Variants in ROBO2 observed in about 807,000 individuals in gnomAD.
The protein encoded by ROBO2 is roundabout guidance receptor 2.
Under a neutral mutation model 160.8 loss-of-function variants are expected in ROBO2, and 53 were observed. The ratio of observed to expected loss-of-function variants is 0.33; its 90% CI spans 0.26 to 0.41. The LOEUF is 0.41. Ranked by LOEUF, ROBO2 falls within the 10% of genes least tolerant of loss-of-function variation. The pLI is 1.00. For missense variants in ROBO2, 1,577 were observed against 1,722.4 expected, an observed-to-expected ratio of 0.92 and a Z score of 1.49; for synonymous variants, 664 against 611.7, an observed-to-expected ratio of 1.09 and a Z score of -1.26.
At chr3:76,196,333 A>G (rs1212635505) in intron 2 of ROBO2, among the ~76,000 whole-genome samples, 1 of 152,148 alleles carries the variant, frequency 6.6e-6, no homozygotes, top group Non-Finnish European at 1.5e-5. Context: ...ATCCATGACA[A>G]TAAAAGAATA....
At chr3:76,465,375 A>G (rs983066164) in intron 2 of ROBO2, among the ~76,000 whole-genome samples, 8 of 152,100 alleles carry the variant, frequency 5.3e-5, no homozygotes, top group African/African-American at 1.9e-4. Flanking sequence ...AATAGTGGGT[A>G]ATAAAAATAG....
intron 2 of ROBO2, among the ~76,000 whole-genome samples, chr3:76,920,329 G>A (rs2076578142): frequency 6.6e-6 from 1 of 152,022 alleles, no homozygotes; most frequent in Admixed American, 6.6e-5. Context: ...AGACAGTCTG[G>A]GAAACAATAA....
chr3:76,028,950 G>C (rs1183170170), intron 2 of ROBO2, among the ~76,000 whole-genome samples: 1 of 152,046 alleles, frequency 6.6e-6, no homozygotes, highest in Non-Finnish European at 1.5e-5. Flanking sequence ...GCTAGTTCCT[G>C]GCAGTGATGC....
chr3:77,549,859 T>G (rs1559593033), intron 7 of ROBO2, among the ~76,000 whole-genome samples: 1 of 152,014 alleles, frequency 6.6e-6, no homozygotes, highest in African/African-American at 2.4e-5. Context: ...ACCTGGAAAA[T>G]TAATTACTAT....
chr3:76,236,532 G>A (rs768495210), intron 2 of ROBO2, among the ~76,000 whole-genome samples: 2 of 152,128 alleles, frequency 1.3e-5, no homozygotes, highest in Non-Finnish European at 2.9e-5. Context: ...GACAAAGTTT[G>A]AATCGTGGTT....
At chr3:76,370,260 CTATT>C (rs1026104171) in intron 2 of ROBO2, among the ~76,000 whole-genome samples, 2 of 151,712 alleles carry the variant, frequency 1.3e-5, no homozygotes, top group Non-Finnish European at 2.9e-5. Flanking sequence ...TTTAGAAATT[CTATT>C]TATTTTCTCT....
chr3:76,268,927 T>C (rs1404949929), intron 2 of ROBO2, among the ~76,000 whole-genome samples: 1 of 152,138 alleles, frequency 6.6e-6, no homozygotes, highest in Non-Finnish European at 1.5e-5. Context: ...CCACACACTA[T>C]TTTGTTAACC....
chr3:77,007,052 A>C (rs978293424), intron 2 of ROBO2, among the ~76,000 whole-genome samples: 1 of 152,146 alleles, frequency 6.6e-6, no homozygotes, highest in Admixed American at 6.5e-5. Flanking sequence ...GGAGCCACAC[A>C]TTCTTTAACC....
chr3:76,951,418 T>C (rs1043689064), intron 2 of ROBO2, among the ~76,000 whole-genome samples: 6 of 152,196 alleles, frequency 3.9e-5, no homozygotes, highest in Non-Finnish European at 8.8e-5. Context: ...AACACTATCT[T>C]GATAATGTAT....
intron 2 of ROBO2, among the ~76,000 whole-genome samples, chr3:75,938,831 TTTTAA>T (rs1227927765): frequency 6.6e-6 from 1 of 152,210 alleles, no homozygotes; most frequent in Admixed American, 6.5e-5. Flanking sequence ...TCAGCTTTGA[TTTTAA>T]TTTTTCTTTC....
chr3:77,560,359 T>C (rs1484191232), intron 9 of ROBO2, among the ~76,000 whole-genome samples: 2 of 152,082 alleles, frequency 1.3e-5, no homozygotes, highest in African/African-American at 4.8e-5. Flanking sequence ...GAAAAAGACA[T>C]TATTTAAAAT....
chr3:76,869,591 C>T (rs2071798809), intron 2 of ROBO2, among the ~76,000 whole-genome samples: 1 of 151,822 alleles, frequency 6.6e-6, no homozygotes, highest in Non-Finnish European at 1.5e-5. Context: ...CCTCGTGATC[C>T]GCCCGCCTCG....
intron 2 of ROBO2, among the ~76,000 whole-genome samples, chr3:76,142,781 A>G (rs946741844): frequency 1.3e-5 from 2 of 151,942 alleles, no homozygotes; most frequent in Non-Finnish European, 2.9e-5. Flanking sequence ...ATTCAGTTGT[A>G]CATTTTTAAA....
intron 2 of ROBO2, among the ~76,000 whole-genome samples, chr3:77,239,807 C>T (rs891145389): frequency 6.6e-6 from 1 of 152,160 alleles, no homozygotes; most frequent in African/African-American, 2.4e-5. Context: ...TGTTTACAAA[C>T]CTTGAGCTAG....
chr3:76,975,258 A>C (rs1224638620), intron 2 of ROBO2, among the ~76,000 whole-genome samples: 1 of 152,172 alleles, frequency 6.6e-6, no homozygotes, highest in Non-Finnish European at 1.5e-5. Flanking sequence ...TAATCCCAGC[A>C]CTTTGGGAGG....
rs75729384 is a variant in ROBO2 at position 76,061,256 on chromosome 3, T to C, written c.109+123654T>C. On this transcript the variant is annotated intron_variant, in intron 2 of 26. Coordinates refer to the ROBO2 transcript ENST00000487694. The stretch of plus-strand genomic sequence containing the variant: ...GCTGAATAAATTCGGGTAAAGTGCA[T>C]GCTTCCTTTGAACACCTGCATCCTG... 7.0e-3 allele frequency among the ~76,000 whole-genome samples: 1,063 copies of C among 152,326 alleles called. 63 individuals carry two copies. The East Asian group carries it at 0.15, about 22-fold the overall frequency.
At chr3:75,917,040 CT>C (rs1199756557) in intron 1 of ROBO2, among the ~76,000 whole-genome samples, 1 of 151,904 alleles carries the variant, frequency 6.6e-6, no homozygotes, top group Non-Finnish European at 1.5e-5. Context: ...TAAAATTTTA[CT>C]GTAAGTTCTG....
chr3:76,404,171 G>A (rs2078002586), intron 2 of ROBO2, among the ~76,000 whole-genome samples: 1 of 151,528 alleles, frequency 6.6e-6, no homozygotes, highest in African/African-American at 2.4e-5. Flanking sequence ...CAACTGGGTT[G>A]GGAGAATCAC....
chr3:76,834,013 C>CCTTTCTCTCTCTCTTTT (rs2067323690), intron 2 of ROBO2, among the ~76,000 whole-genome samples: 1 of 121,148 alleles, frequency 8.3e-6, no homozygotes, highest in East Asian at 2.7e-4. Flanking sequence ...TTCTTTCTTT[C>CCTTTCTCTCTCTCTTTT]CTTTCTTTCT....
Sources: allele counts gnomAD v4.1 joint callset (sites outside exome capture counted in the v4.1 genomes callset), GRCh38; gene constraint gnomAD v4.1.1; transcripts MANE v1.5; gene names NCBI Gene and HGNC (gene_info 2026-07-23, HGNC 2026-07-21).